The following SLC16A5 variants were observed in gnomAD, a reference collection of about 807,000 sequenced individuals.
SLC16A5 encodes monocarboxylate transporter 6.
SLC16A5 carries 29 observed loss-of-function variants against 33.2 expected under a neutral mutation model. That is an observed-to-expected ratio of 0.87 (90% CI 0.65 to 1.19). SLC16A5 has a LOEUF of 1.19. SLC16A5 is among the 50% of genes most tolerant of loss of function. SLC16A5 has a pLI of 0.00. For synonymous variants in SLC16A5, 248 were observed against 284.1 expected, an observed-to-expected ratio of 0.87 and a Z score of 1.28; for missense variants, 606 against 678.2, an observed-to-expected ratio of 0.89 and a Z score of 1.18.
At chr17:75,103,858 C>A in intron 5 of SLC16A5, 112 bp from the exon 6 acceptor site, 1 of 920,210 alleles carries the variant, frequency 1.1e-6, no homozygotes. Context: ...GGGTGTCAGC[C>A]ACAATTCCTA....
chr17:75,104,821 G>A, intron 6 of SLC16A5: 3 of 985,388 alleles, frequency 3.0e-6, no homozygotes, highest in Non-Finnish European at 3.6e-6. Context: ...TGGGTACCAG[G>A]GTACTCGGGG....
At chr17:75,103,905 G>A (rs1418529897) in intron 5 of SLC16A5, 65 bp from the exon 6 acceptor site, 25 of 1,424,060 alleles carry the variant, frequency 1.8e-5, no homozygotes, top group Non-Finnish European at 2.4e-5. Context: ...CTGCTGTCAG[G>A]GAACACACAG....
chr17:75,098,098 G>C lies in SLC16A5; in HGVS notation c.260G>C (p.Gly87Ala), dbSNP rs548210128. Reference sequence around the variant, plus strand: ...TGCCGAGTGACCGTGATGCTGGGGGGCGTGCTGGCCAGCCTGGGCATGGTG... The same window carrying C: ...TGCCGAGTGACCGTGATGCTGGGGGCCGTGCTGGCCAGCCTGGGCATGGTG... ...FGCRVTVMLG[G>A]VLASLGMVAS... The change falls in exon 4 of 7, where the codon GGC becomes GCC. Residue 87 changes from glycine to alanine, a missense_variant. Transcript: ENST00000329783. The C allele has an allele frequency of 6.2e-7, 1 of 1,610,120 alleles. No individual in the cohort carries two copies. Among genetic ancestry groups the C allele is most frequent in the African/African-American group, 1.3e-5 (1 of 74,744 alleles).
chr17:75,093,644 A>C lies in SLC16A5; in HGVS notation c.8A>C (p.Gln3Pro), dbSNP rs1038321986. 6.2e-6 allele frequency: 10 copies of C among 1,610,626 alleles called. No homozygotes were observed. Among genetic ancestry groups the C allele is most frequent in the Non-Finnish European group, 7.6e-6 (9 of 1,179,460 alleles). Residue 3 changes from glutamine to proline, a missense_variant, in exon 3 of 7, where the codon CAG becomes CCG. Coordinates refer to ENST00000329783, the MANE Select transcript of SLC16A5 (RefSeq NM_004695.4). ...CAGCGTCGGCAGCAGAGGATGCCCC[A>C]GGCCCTGGAGCGTGCAGATGGCAGC... MP[Q>P]ALERADGSWA... is the part of the protein sequence containing the mutation.
At chr17:75,107,766 G>A (rs912098863), downstream of SLC16A5, among the ~76,000 whole-genome samples, 6 of 152,294 alleles carry the variant, frequency 3.9e-5, no homozygotes, top group African/African-American at 1.4e-4. Flanking sequence ...GTGAAACCTC[G>A]TCTCTATTAA....
intron 5 of SLC16A5, among the ~76,000 whole-genome samples, chr17:75,102,407 C>G (rs1382491494): frequency 1.4e-5 from 2 of 141,738 alleles, no homozygotes; most frequent in African/African-American, 6.1e-5. Flanking sequence ...AACTCCAACT[C>G]GAAAAAAATA....
At chr17:75,097,532 G>A (rs1394897788) in intron 3 of SLC16A5, among the ~76,000 whole-genome samples, 1 of 122,152 alleles carries the variant, frequency 8.2e-6, no homozygotes, top group East Asian at 2.8e-4. Context: ...GTAGGGCTGG[G>A]AAGGTGGTGG....
chr17:75,104,741 T>C (rs2073842602), intron 6 of SLC16A5: 1 of 985,028 alleles, frequency 1.0e-6, no homozygotes, highest in African/African-American at 1.7e-5. Context: ...TGAGCCACCG[T>C]GCCCAGCCAG....
chr17:75,091,859 C>A (rs147154746), intron 2 of SLC16A5, among the ~76,000 whole-genome samples: 72 of 152,186 alleles, frequency 4.7e-4, no homozygotes, highest in Middle Eastern at 6.8e-3. Flanking sequence ...GGGGCCAGGG[C>A]GCAGGAGGCA....
chr17:75,102,880 G>A (rs767425199), intron 5 of SLC16A5, among the ~76,000 whole-genome samples: 47 of 147,596 alleles, frequency 3.2e-4, no homozygotes, highest in Admixed American at 3.4e-4. Flanking sequence ...TTACAGGCAC[G>A]CGCCACACGC....
At chr17:75,092,028 G>GTGT (rs1555644931) in intron 2 of SLC16A5, among the ~76,000 whole-genome samples, 6,278 of 149,662 alleles carry the variant, frequency 0.042, 248 homozygotes, top group African/African-American at 0.11. Flanking sequence ...ATGTGAGGGG[G>GTGT]GTGTGTGTGT....
intron 5 of SLC16A5, among the ~76,000 whole-genome samples, chr17:75,101,796 A>G (rs1001753374): frequency 1.3e-5 from 2 of 151,668 alleles, no homozygotes; most frequent in African/African-American, 2.4e-5. Flanking sequence ...CACCACACCC[A>G]GCTAATTTTT....
rs1037866155 is a variant in SLC16A5, at chr17:75,089,196, A to C, written c.-157A>C. 1.3e-5 allele frequency: 2 copies of C among 152,332 alleles called. No individual in the cohort carries two copies. Among genetic ancestry groups the C allele is most frequent in the African/African-American group, 4.8e-5 (2 of 41,456 alleles). 9.4% of individuals were successfully genotyped at this position (152,332 alleles called of 1,614,324 possible). ...CCTGCTGGGGCAGAGGCCAAGCCAG[A>C]GCCCTGGCCCCATCACCTCTCTGCC... On this transcript the variant is annotated 5_prime_UTR_variant, in exon 2 of 7. Transcript: ENST00000329783.
In SLC16A5 at chr17:75,104,082, G is replaced by A; in HGVS notation, c.1266G>A (p.Lys422=). ...GCAGCTTCTACGCCCTGCAGAAGAA[G>A]GAGCAAGGCAAGCAGGCTGTCGCGG... ...MGGSFYALQK[K]EQGKQAVAAD... The change falls in exon 6 of 7, where the codon AAG becomes AAA. Residue 422 remains lysine, a synonymous_variant. Coordinates refer to ENST00000329783, the MANE Select transcript of SLC16A5 (RefSeq NM_004695.4). 1 of 1,614,240 alleles carries A rather than the reference G, an allele frequency of 6.2e-7. No individual in the cohort carries two copies. Among genetic ancestry groups the A allele is most frequent in the Non-Finnish European group, 8.5e-7 (1 of 1,180,040 alleles).
In SLC16A5 at chr17:75,100,337, G is replaced by T. The variant is rs551512547; in HGVS notation, c.674G>T (p.Arg225Leu). The T allele has an allele frequency of 1.2e-6, 2 of 1,614,158 alleles. No homozygotes were observed. The highest frequency in any genetic ancestry group is 2.2e-5 in the East Asian group (1 of 44,872). ...GCTGCATGCGGCCGGACCATCCAGC[G>T]CCACCTGGCCTTCGACATCCTGCGG... Reference protein sequence around the residue: ...CLAACGRTIQRHLAFDILRHN... With the variant: ...CLAACGRTIQLHLAFDILRHN... Residue 225 changes from arginine to leucine, a missense_variant, in exon 5 of 7, where the codon CGC (arginine) becomes CTC (leucine). By Grantham distance (102) the Arg-to-Leu change is moderately radical. Coordinates refer to ENST00000329783, the MANE Select transcript of SLC16A5 (RefSeq NM_004695.4).
Position 75,098,139 on chromosome 17 carries a change from C to G in SLC16A5, c.301C>G (p.His101Asp). ...GGGCATGGTGGCCAGCTCCTTCTCT[C>G]ACAACCTCAGCCAGCTCTACTTCAC... ...SLGMVASSFS[H>D]NLSQLYFTAG... The change falls in exon 4 of 7, where the codon CAC becomes GAC. Residue 101 changes from histidine (H) to aspartate (D), a missense_variant. Physicochemically the swap from His to Asp is moderately conservative, Grantham distance 81. Transcript: ENST00000329783. 1.2e-6 allele frequency: 2 copies of G among 1,612,524 alleles called. No individual in the cohort carries two copies. The highest frequency in any genetic ancestry group is 1.7e-6 in the Non-Finnish European group (2 of 1,179,364).
In SLC16A5 at chr17:75,104,098, G is replaced by C. The variant is rs1432609062; in HGVS notation, c.1282G>C (p.Ala428Pro). ...GCAGAAGAAGGAGCAAGGCAAGCAG[G>C]CTGTCGCGGCGGATGCCCTGGAGCG... ...ALQKKEQGKQ[A>P]VAADALERDL... The change falls in exon 6 of 7, where the codon GCT becomes CCT. Residue 428 changes from alanine to proline, a missense_variant. Transcript: ENST00000329783. The C allele has an allele frequency of 1.2e-6, 2 of 1,614,228 alleles. No individual in the cohort carries two copies. The highest frequency in any genetic ancestry group is 1.1e-5 in the South Asian group (1 of 91,088).
At chr17:75,094,741 C>T (rs951202124) in intron 3 of SLC16A5, among the ~76,000 whole-genome samples, 3 of 151,812 alleles carry the variant, frequency 2.0e-5, no homozygotes, top group African/African-American at 7.3e-5. Context: ...CCCCAGCTCT[C>T]CCGGGACTCC....
chr17:75,090,469 T>C (rs2073623361), intron 2 of SLC16A5: 1 of 150,314 alleles, frequency 6.7e-6, no homozygotes, highest in African/African-American at 2.5e-5. Flanking sequence ...TTTCTTTTTT[T>C]TTTTTTTTGA....
Sources: allele counts gnomAD v4.1 joint callset (sites outside exome capture counted in the v4.1 genomes callset), GRCh38; gene constraint gnomAD v4.1.1; transcripts MANE v1.5; gene names NCBI Gene and HGNC (gene_info 2026-07-23, HGNC 2026-07-21).